NR1I2: variants seen among roughly 807,000 people sequenced by gnomAD.
NR1I2 encodes nuclear receptor subfamily 1 group I member 2, also known as orphan nuclear receptor PAR1.
In NR1I2, 42 loss-of-function variants were observed where a neutral mutation model predicts 43.3. The ratio of observed to expected loss-of-function variants is 0.97; its 90% CI spans 0.76 to 1.26. The LOEUF is 1.26. Among genes scored for constraint, NR1I2 ranks in the 50% most tolerant of loss-of-function variants. The pLI is 0.00. For synonymous variants in NR1I2, 229 were observed against 215.0 expected (o/e 1.06, Z -0.57); for missense variants, 559 against 566.7 (o/e 0.99, Z 0.14).
At position 119,812,934 on chromosome 3, in the gene NR1I2, C is replaced by G. The variant is rs2055265682; in HGVS notation, c.768C>G (p.Ser256Arg). ...CCTACATGTTCAAAGGCATCATCAG[C>G]TTTGCCAAAGTCATCTCCTACTTCA... Residue 256 changes from serine to arginine, a missense_variant, in exon 5 of 9, where the codon AGC becomes AGG. By Grantham distance (110) the Ser-to-Arg change is moderately radical. Transcript: ENST00000393716. 1 of 1,613,856 alleles carries G rather than the reference C, an allele frequency of 6.2e-7. No homozygotes were observed.
intron 2 of NR1I2, among the ~76,000 whole-genome samples, chr3:119,807,815 G>A (rs1465201531): frequency 2.0e-5 from 3 of 152,220 alleles, no homozygotes; most frequent in African/African-American, 7.2e-5. Context: ...CTTAGACCAT[G>A]GGAAGAGAAA....
rs1186300550 is a variant in NR1I2, at chr3:119,812,721, A to G, written c.555A>G (p.Pro185=). ...TGCTTAGCAGTGGCTGCGAGTTGCC[A>G]GAGTCTCTGCAGGCCCCATCGAGGG... The change falls in exon 5 of 9, where the codon CCA becomes CCG. Residue 185 remains proline, a synonymous_variant. Coordinates refer to ENST00000393716, the MANE Select transcript of NR1I2 (RefSeq NM_003889.4). The G allele has an allele frequency of 5.6e-6, 9 of 1,614,176 alleles. No individual in the cohort carries two copies. The highest frequency in any genetic ancestry group is 5.0e-5 in the Admixed American group (3 of 60,028).
rs750250647 is a variant in NR1I2 at position 119,812,670 on chromosome 3, C to G, written c.520-16C>G. 1 of 1,613,406 alleles carries G rather than the reference C, an allele frequency of 6.2e-7. No homozygotes were observed. Among genetic ancestry groups the G allele is most frequent in the Non-Finnish European group, 8.5e-7 (1 of 1,179,944 alleles). ...ATGCTGTCTCTCCTCTGTCCACCTC[C>G]TGGCATGTGTCCTAGCTGCCAGGGG... On this transcript the variant is annotated splice_polypyrimidine_tract_variant and intron_variant, in intron 4 of 8. Transcript: ENST00000393716.
At chr3:119,813,923 G>A (rs1222674751) in intron 5 of NR1I2, among the ~76,000 whole-genome samples, 1 of 152,140 alleles carries the variant, frequency 6.6e-6, no homozygotes, top group African/African-American at 2.4e-5. Context: ...AGGTGTCACT[G>A]CCATCTTCAT....
At chr3:119,791,618 G>C (rs1191393948) in intron 1 of NR1I2, among the ~76,000 whole-genome samples, 1 of 152,134 alleles carries the variant, frequency 6.6e-6, no homozygotes, top group Non-Finnish European at 1.5e-5. Context: ...ATCTCATGTT[G>C]AAATATGACC....
At chr3:119,806,055 T>G (rs2107967516) in intron 1 of NR1I2, among the ~76,000 whole-genome samples, 1 of 152,186 alleles carries the variant, frequency 6.6e-6, no homozygotes, top group East Asian at 1.9e-4. Context: ...AAACAGAAAT[T>G]TATGTGTTAG....
intron 1 of NR1I2, among the ~76,000 whole-genome samples, chr3:119,794,367 A>AT (rs967744400): frequency 6.6e-6 from 1 of 150,454 alleles, no homozygotes; most frequent in Non-Finnish European, 1.5e-5. Flanking sequence ...TAATTTTTAA[A>AT]TTTTTTTGTA....
chr3:119,801,601 C>A (rs2055082254), intron 1 of NR1I2, among the ~76,000 whole-genome samples: 1 of 152,238 alleles, frequency 6.6e-6, no homozygotes, highest in South Asian at 2.1e-4. Context: ...CTATTTCTAA[C>A]CCAACTCCAG....
At chr3:119,795,393 T>A (rs531068295) in intron 1 of NR1I2, among the ~76,000 whole-genome samples, 3 of 152,306 alleles carry the variant, frequency 2.0e-5, no homozygotes, top group South Asian at 4.1e-4. Context: ...GCTCAGCCAG[T>A]CAGCCCTGCC....
intron 2 of NR1I2, among the ~76,000 whole-genome samples, chr3:119,809,082 C>T (rs748400469): frequency 3.3e-5 from 5 of 152,190 alleles, no homozygotes; most frequent in East Asian, 3.9e-4. Context: ...GGCCTGCCCT[C>T]GGGGACCTCT....
chr3:119,805,210 C>A (rs375608885), intron 1 of NR1I2, among the ~76,000 whole-genome samples: 2 of 152,186 alleles, frequency 1.3e-5, no homozygotes, highest in East Asian at 3.9e-4. Context: ...TAACTCAGGG[C>A]ATTTTCTCAT....
Position 119,817,725 on chromosome 3 carries a change from A to G in NR1I2, c.*513A>G, listed in dbSNP as rs2055350159. The G allele has an allele frequency of 4.8e-6, 5 of 1,046,464 alleles. No individual in the cohort carries two copies. The highest frequency in any genetic ancestry group is 9.9e-5 in the Admixed American group (2 of 20,130). 64.8% of individuals were successfully genotyped at this position (1,046,464 alleles called of 1,614,324 possible). On this transcript the variant is annotated 3_prime_UTR_variant, in exon 9 of 9. Transcript: ENST00000393716. ...CTTTGTGGGCTCCAGGCCTGTACTCATCGGCAGGCGCATGAGTATCTGTGG... is the reference window on the plus strand; with the variant it reads ...CTTTGTGGGCTCCAGGCCTGTACTCGTCGGCAGGCGCATGAGTATCTGTGG...
At position 119,815,810 on chromosome 3, in the gene NR1I2, A is replaced by C; in HGVS notation, c.1139A>C (p.Asn380Thr). ...ACTCTGAAGTCCTACATTGAATGCAATCGGCCCCAGCCTGCTCATAGGTGA... is the reference window on the plus strand; with the variant it reads ...ACTCTGAAGTCCTACATTGAATGCACTCGGCCCCAGCCTGCTCATAGGTGA... The change falls in exon 8 of 9, where the codon AAT becomes ACT. Residue 380 changes from asparagine (N) to threonine (T), a missense_variant. Transcript: ENST00000393716. 1 of 1,612,046 alleles carries C rather than the reference A, an allele frequency of 6.2e-7. No individual in the cohort carries two copies. Among genetic ancestry groups the C allele is most frequent in the Non-Finnish European group, 8.5e-7 (1 of 1,179,092 alleles).
At chr3:119,802,655 A>G (rs141540652) in intron 1 of NR1I2, among the ~76,000 whole-genome samples, 2 of 152,244 alleles carry the variant, frequency 1.3e-5, no homozygotes, top group African/African-American at 4.8e-5. Context: ...ACTCTGAAAT[A>G]CTATCCTGCT....
chr3:119,808,118 T>A (rs2055186895), intron 2 of NR1I2, among the ~76,000 whole-genome samples: 1 of 152,216 alleles, frequency 6.6e-6, no homozygotes, highest in Non-Finnish European at 1.5e-5. Flanking sequence ...TGGGTTCAGC[T>A]ACAAGTCACA....
At chr3:119,797,593 C>T (rs1373703659) in intron 1 of NR1I2, among the ~76,000 whole-genome samples, 1 of 152,164 alleles carries the variant, frequency 6.6e-6, no homozygotes, top group Non-Finnish European at 1.5e-5. Context: ...TACATATCTA[C>T]ACACACAGAT....
intron 1 of NR1I2, chr3:119,803,058 T>A (rs1390552191): frequency 2.3e-6 from 1 of 428,556 alleles, no homozygotes; most frequent in African/African-American, 2.0e-5. Flanking sequence ...AGAGGCCGGG[T>A]GTGGTGGCTC....
At chr3:119,787,838 C>A (rs939514433) in intron 1 of NR1I2, among the ~76,000 whole-genome samples, 6 of 151,982 alleles carry the variant, frequency 3.9e-5, no homozygotes, top group African/African-American at 1.2e-4. Flanking sequence ...TATGTATACA[C>A]ACACACATAA....
intron 2 of NR1I2, among the ~76,000 whole-genome samples, chr3:119,808,133 A>C (rs2055187165): frequency 1.3e-5 from 2 of 152,240 alleles, no homozygotes; most frequent in African/African-American, 4.8e-5. Context: ...GTCACAGGAC[A>C]CTTGTCGCCA....
Sources: allele counts gnomAD v4.1 joint callset (sites outside exome capture counted in the v4.1 genomes callset), GRCh38; gene constraint gnomAD v4.1.1; transcripts MANE v1.5; gene names NCBI Gene and HGNC (gene_info 2026-07-23, HGNC 2026-07-21).